The following SPAM1 variants were observed in gnomAD, a reference collection of about 807,000 sequenced individuals.
SPAM1 encodes hyaluronidase PH-20.
A neutral mutation model predicts 29.6 loss-of-function variants in SPAM1; 22 were observed. The ratio of observed to expected loss-of-function variants is 0.74; its 90% CI spans 0.53 to 1.06. The LOEUF (loss-of-function observed/expected upper bound fraction) is 1.06, where lower values mean the gene tolerates loss of function less well. Among genes scored for constraint, SPAM1 ranks in the 50% least tolerant of loss-of-function variants. SPAM1 has a pLI of 0.00. For missense variants in SPAM1, 534 were observed against 604.0 expected (o/e 0.88, Z 1.21); for synonymous variants, 194 against 204.6 (o/e 0.95, Z 0.44).
At chr7:123,945,883 T>C (rs1859402) in intron 1 of SPAM1, among the ~76,000 whole-genome samples, 90,119 of 151,798 alleles carry the variant, frequency 0.59, 27,502 homozygotes, top group African/African-American at 0.72. Flanking sequence ...TTGTAATTCT[T>C]ATTCAGATTT....
chr7:123,934,524 A>C (rs1022928885), intron 1 of SPAM1, among the ~76,000 whole-genome samples: 3 of 152,220 alleles, frequency 2.0e-5, no homozygotes, highest in Non-Finnish European at 4.4e-5. Flanking sequence ...AGTGTGTTAA[A>C]GAGATATCTG....
chr7:123,927,000 C>T (rs34026763), intron 1 of SPAM1, among the ~76,000 whole-genome samples: 167 of 152,226 alleles, frequency 1.1e-3, no homozygotes, highest in Non-Finnish European at 1.8e-3. Context: ...TGGATTCTTC[C>T]CATGAGACAC....
chr7:123,963,394 G>T (rs12706560), downstream of SPAM1, among the ~76,000 whole-genome samples: 4 of 150,962 alleles, frequency 2.6e-5, no homozygotes. Context: ...ACTTAAATTC[G>T]ATTTTAGTAG....
intron 5 of SPAM1, among the ~76,000 whole-genome samples, chr7:123,968,450 G>A (rs1323197801): frequency 4.6e-5 from 7 of 152,008 alleles, no homozygotes; most frequent in Admixed American, 4.6e-4. Flanking sequence ...CTGGAGTAAA[G>A]TCTTGCCTCC....
chr7:123,966,450 A>G (rs1011837447), intron 5 of SPAM1, among the ~76,000 whole-genome samples: 7 of 152,086 alleles, frequency 4.6e-5, no homozygotes, highest in African/African-American at 2.4e-5. Context: ...AAATCATTCT[A>G]TTATAAAGAC....
intron 1 of SPAM1, among the ~76,000 whole-genome samples, chr7:123,931,000 A>G (rs889393729): frequency 4.6e-5 from 7 of 152,248 alleles, no homozygotes; most frequent in Non-Finnish European, 8.8e-5. Context: ...GGTCATTGTC[A>G]GGGTGTTCTT....
chr7:123,959,428 C>T lies in SPAM1; in HGVS notation c.1045-56C>T, dbSNP rs555844723. On this transcript the variant is annotated intron_variant, in intron 4 of 4. Transcript: ENST00000682466. ...AATTGCTTAATACACTAAATTAATT[C>T]GCATTTGAACTAACTTGTCCTTTGA... 118 of 1,263,980 alleles carry T rather than the reference C, an allele frequency of 9.3e-5. 1 individual carries two copies. The highest frequency in any genetic ancestry group is 2.0e-4 in the South Asian group (13 of 66,294). The allele number at this position is 1,263,980 out of a possible 1,614,324, so 78.3% of individuals were successfully genotyped here.
At chr7:123,955,549 T>C (rs1280075942) in intron 4 of SPAM1, among the ~76,000 whole-genome samples, 1 of 152,036 alleles carries the variant, frequency 6.6e-6, no homozygotes, top group East Asian at 1.9e-4. Context: ...ATACCAATGA[T>C]GAACATGCCA....
chr7:123,938,729 A>G (rs761082076), intron 1 of SPAM1, among the ~76,000 whole-genome samples: 1 of 152,222 alleles, frequency 6.6e-6, no homozygotes, highest in Non-Finnish European at 1.5e-5. Flanking sequence ...GAAGAGAAAC[A>G]CTGGTTATTG....
rs1229275799 is a variant in SPAM1 at position 123,959,719 on chromosome 7, A to G, written c.1280A>G (p.Glu427Gly). 2.5e-6 allele frequency: 4 copies of G among 1,613,350 alleles called. No homozygotes were observed. The highest frequency in any genetic ancestry group is 8.5e-7 in the Non-Finnish European group (1 of 1,179,576). Residue 427 changes from glutamate (E) to glycine (G), a missense_variant, in exon 5 of 5, where the codon GAG becomes GGG. Coordinates refer to ENST00000682466, the MANE Select transcript of SPAM1 (RefSeq NM_153189.3). ...GGAAAACCGACACTTGAAGACCTGG[A>G]GCAATTTTCTGAAAAATTTTATTGC... ...VRGKPTLEDLEQFSEKFYCSC... is the reference protein window; with the variant it reads ...VRGKPTLEDLGQFSEKFYCSC...
At chr7:123,950,500 A>T (rs1808724812) in intron 2 of SPAM1, among the ~76,000 whole-genome samples, 1 of 152,110 alleles carries the variant, frequency 6.6e-6, no homozygotes, top group Non-Finnish European at 1.5e-5. Context: ...CTCATTTAAA[A>T]GTGAGAACAT....
intron 5 of SPAM1, among the ~76,000 whole-genome samples, chr7:123,967,941 A>G (rs1403081854): frequency 6.6e-6 from 1 of 152,034 alleles, no homozygotes; most frequent in East Asian, 1.9e-4. Flanking sequence ...GAATTAGGAA[A>G]GTATTAGGGA....
intron 1 of SPAM1, among the ~76,000 whole-genome samples, chr7:123,928,549 G>A (rs974512176): frequency 1.3e-4 from 20 of 152,162 alleles, no homozygotes; most frequent in African/African-American, 4.3e-4. Context: ...AGATGTAGGC[G>A]ACGAAACAGG....
chr7:123,925,974 AG>A (rs776510572), intron 1 of SPAM1: 7 of 152,162 alleles, frequency 4.6e-5, no homozygotes, highest in Non-Finnish European at 1.0e-4. Context: ...CTGATGCCAT[AG>A]GGTCTAATTG....
At chr7:123,966,555 T>G (rs1317293199) in intron 5 of SPAM1, among the ~76,000 whole-genome samples, 2 of 152,072 alleles carry the variant, frequency 1.3e-5, no homozygotes, top group African/African-American at 2.4e-5. Flanking sequence ...AAAGAAAATG[T>G]GGTACATATA....
At chr7:123,964,171 A>G (rs925839750), downstream of SPAM1, among the ~76,000 whole-genome samples, 3 of 151,902 alleles carry the variant, frequency 2.0e-5, no homozygotes, top group Admixed American at 1.3e-4. Flanking sequence ...GTCAATTATC[A>G]GAAAAATATT....
intron 5 of SPAM1, among the ~76,000 whole-genome samples, chr7:123,969,217 A>C (rs1369412424): frequency 6.6e-6 from 1 of 151,840 alleles, no homozygotes; most frequent in African/African-American, 2.4e-5. Context: ...GTTTACAAAT[A>C]TTTTCTCTCA....
intron 1 of SPAM1, among the ~76,000 whole-genome samples, chr7:123,946,919 G>A (rs113388462): frequency 7.2e-4 from 109 of 152,224 alleles, no homozygotes; most frequent in African/African-American, 2.4e-3. Context: ...TAGGTGTGTA[G>A]CTTTTTTGAA....
intron 5 of SPAM1, among the ~76,000 whole-genome samples, chr7:123,965,431 T>G (rs1416765317): frequency 3.3e-5 from 5 of 152,088 alleles, no homozygotes; most frequent in Admixed American, 6.6e-5. Context: ...TTTTATAGTT[T>G]TGGGTTTTAC....
Sources: gnomAD v4.1 joint callset for allele counts (sites outside exome capture counted in the v4.1 genomes callset) on GRCh38, gnomAD v4.1.1 for gene constraint, MANE v1.5 for transcripts, NCBI Gene and HGNC (gene_info 2026-07-23, HGNC 2026-07-21) for gene names.